Variants in FN1 observed in about 807,000 individuals in gnomAD.
FN1 encodes the protein fibronectin 1.
A neutral mutation model predicts 297.3 loss-of-function variants in FN1; 106 were observed. That is an observed-to-expected ratio of 0.36 (90% confidence interval 0.30 to 0.42). The LOEUF is 0.42. Among genes scored for constraint, FN1 ranks in the 10% least tolerant of loss-of-function variants. The pLI is 1.00. For synonymous variants in FN1, 1,149 were observed against 1,152.6 expected (o/e 1.00, Z 0.06); for missense variants, 2,690 against 3,124.9 (o/e 0.86, Z 3.32).
Position 215,384,707 on chromosome 2 carries a change from T to C in FN1, c.4729+153A>G, listed in dbSNP as rs145750588. The C allele has an allele frequency of 4.7e-6, 3 of 644,366 alleles. No homozygotes were observed. The African/African-American group carries it at 5.5e-5, about 12-fold the overall frequency. The allele number at this position is 644,366 out of a possible 1,614,324, so 39.9% of individuals were successfully genotyped here. A position where few individuals can be genotyped will look rare whatever the true frequency, so the allele number is the denominator to read the frequency against. ...TTGGGTTTTAGAACAAATTATATCA[T>C]CTATATCTTACGTATTTTCTTGGAA... On this transcript the variant is annotated intron_variant, in intron 29 of 45. Transcript: ENST00000354785.
rs2059931958 is a variant in FN1 at position 215,393,323 on chromosome 2, A to C, written c.3797-120T>G. 4 of 888,670 alleles carry C rather than the reference A, an allele frequency of 4.5e-6. No homozygotes were observed. In the Admixed American group the frequency reaches 1.0e-4, roughly 23 times the overall value. 55.0% of individuals were successfully genotyped at this position (888,670 alleles called of 1,614,324 possible). A position where few individuals can be genotyped will look rare whatever the true frequency, so the allele number is the denominator to read the frequency against. ...AGTAAAATTGGTGGAATGTTAAAGC[A>C]ATGATGGTAATATGCAATCTGTTTT... On this transcript the variant is annotated intron_variant, in intron 24 of 45. Coordinates refer to ENST00000354785, the MANE Select transcript of FN1 (RefSeq NM_212482.4).
intron 3 of FN1, among the ~76,000 whole-genome samples, chr2:215,433,022 CATGTCTTACTGAA>C (rs1455443771): frequency 6.6e-6 from 1 of 152,158 alleles, no homozygotes; most frequent in African/African-American, 2.4e-5. Context: ...CTCCCCTAAG[CATGTCTTACTGAA>C]ATGGAACCCA....
At position 215,435,709 on chromosome 2, in the gene FN1, G is replaced by C; in HGVS notation, c.94C>G (p.Gln32Glu). The C allele has an allele frequency of 6.2e-7, 1 of 1,612,638 alleles. No homozygotes were observed. Among genetic ancestry groups the C allele is most frequent in the Non-Finnish European group, 8.5e-7 (1 of 1,179,708 alleles). The change falls in exon 1 of 46, where the codon CAG becomes GAG. Residue 32 changes from glutamine to glutamate, a missense_variant. Around this residue, in one of 3 missense-constraint regions of FN1, gnomAD observed 876 missense variants for 1,058.1 expected, o/e 0.83. Transcript: ENST00000354785. ...PSTGASKSKR[Q>E]AQQMVQPQSP... Reference sequence around the variant, plus strand: ...TGGGGCTGAACCATTTGCTGAGCCTGCCTCTTGCTCTTCGAGGCTCCCGTG... The same window carrying C: ...TGGGGCTGAACCATTTGCTGAGCCTCCCTCTTGCTCTTCGAGGCTCCCGTG...
chr2:215,384,272 C>G (rs2058614322), intron 29 of FN1, 88 bp from the exon 30 acceptor site: 1 of 1,264,756 alleles, frequency 7.9e-7, no homozygotes, highest in Non-Finnish European at 1.2e-6. Flanking sequence ...TTTATAGCAG[C>G]ATGTAAATCA....
In FN1 at chr2:215,419,215, TC is replaced by T. The variant is rs1269925073; in HGVS notation, c.1819+26del. ...GTTGTTATAACCCAATTGGCAGTTCTCAACTTGCAGTAATAGAGCTACTTAC... is the reference window on the plus strand; with the variant it reads ...GTTGTTATAACCCAATTGGCAGTTCTAACTTGCAGTAATAGAGCTACTTAC... On this transcript the variant is annotated intron_variant, in intron 12 of 45. Coordinates refer to ENST00000354785, the MANE Select transcript of FN1 (RefSeq NM_212482.4). 2.5e-6 allele frequency: 4 copies of T among 1,611,620 alleles called. No homozygotes were observed. The African/African-American group carries it at 5.3e-5, about 22-fold the overall frequency.
chr2:215,366,903 T>C (rs777302779), intron 42 of FN1, among the ~76,000 whole-genome samples: 4 of 152,234 alleles, frequency 2.6e-5, no homozygotes, highest in Admixed American at 6.5e-5. Context: ...CTAAACAGCA[T>C]GTGATGTTTT....
At chr2:215,373,666 G>A (rs2056685401) in intron 38 of FN1, among the ~76,000 whole-genome samples, 1 of 135,376 alleles carries the variant, frequency 7.4e-6, no homozygotes, top group South Asian at 2.5e-4. Context: ...CTTTTCCAGG[G>A]TATTCTTTTT....
chr2:215,387,031 T>C, intron 27 of FN1, 73 bp from the exon 28 acceptor site: 3 of 1,392,376 alleles, frequency 2.2e-6, no homozygotes, highest in African/African-American at 1.5e-5. Flanking sequence ...GTGAGGAAGG[T>C]GTAGGGGAAA....
chr2:215,389,529 T>G (rs908910274), intron 26 of FN1, among the ~76,000 whole-genome samples: 2 of 152,168 alleles, frequency 1.3e-5, no homozygotes, highest in Admixed American at 6.5e-5. Context: ...TAGATGGGCT[T>G]GTAATCCCAG....
rs1462168535 is a variant in FN1, at chr2:215,425,187, C to A, written c.943G>T (p.Val315Phe). 2.5e-6 allele frequency: 4 copies of A among 1,614,156 alleles called. No individual in the cohort carries two copies. The highest frequency in any genetic ancestry group is 3.4e-6 in the Non-Finnish European group (4 of 1,180,014). Residue 315 changes from valine (V) to phenylalanine (F), a missense_variant, in exon 7 of 46, where the codon GTC becomes TTC. By Grantham distance (50) the Val-to-Phe change is conservative. Coordinates refer to ENST00000354785, the MANE Select transcript of FN1 (RefSeq NM_212482.4). The stretch of plus-strand genomic sequence containing the variant: ...AGCCACTGCATCCCCACAGAGTAGA[C>A]CACACCACTGTCTGTGACACAGTGG... The part of the protein sequence containing the change: ...YGHCVTDSGV[V>F]YSVGMQWLKT...
At chr2:215,414,659 C>T (rs1162339964) in intron 13 of FN1, 178 bp downstream of exon 13, 3 of 1,349,254 alleles carry the variant, frequency 2.2e-6, no homozygotes, top group Admixed American at 3.3e-5. Context: ...ACCAAAATCC[C>T]CTCAGTCTAC....
chr2:215,362,060 C>A lies in FN1; in HGVS notation c.7271G>T (p.Cys2424Phe). 6.2e-7 allele frequency: 1 copy of A among 1,614,034 alleles called. No homozygotes were observed. The highest frequency in any genetic ancestry group is 8.5e-7 in the Non-Finnish European group (1 of 1,179,964). The change falls in exon 45 of 46, where the codon TGC (cysteine) becomes TTC (phenylalanine). Residue 2424 changes from cysteine (C) to phenylalanine (F), a missense_variant. By Grantham distance (205) the Cys-to-Phe change is radical. This residue lies in a region of FN1 where 1,743 missense variants were observed against 1,945.2 expected (regional missense o/e 0.90). Coordinates refer to ENST00000354785, the MANE Select transcript of FN1 (RefSeq NM_212482.4). ...ACTGGGTTCACCCCCAGGTCTGCGG[C>A]AGTTGTCACAGCGCCAGCCCTGAGA... ...GGQRGWRCDNCRRPGGEPSPE... is the reference protein window; with the variant it reads ...GGQRGWRCDNFRRPGGEPSPE...
chr2:215,372,036 A>C lies in FN1; in HGVS notation c.6587T>G (p.Leu2196Arg), dbSNP rs748432077. 10 of 1,614,228 alleles carry C rather than the reference A, an allele frequency of 6.2e-6. No individual in the cohort carries two copies. Among genetic ancestry groups the C allele is most frequent in the Non-Finnish European group, 4.2e-6 (5 of 1,180,036 alleles). ...DYHLYPHGPG[L>R]NPNASTGQEA... Reference sequence around the variant, plus strand: ...TTGTCCTGTAGAGGCATTTGGATTGAGTCCCGGACCGTGTGGGTACAGGTG... The same window carrying C: ...TTGTCCTGTAGAGGCATTTGGATTGCGTCCCGGACCGTGTGGGTACAGGTG... Residue 2196 changes from leucine to arginine, a missense_variant, in exon 40 of 46, where the codon CTC becomes CGC. Coordinates refer to ENST00000354785, the MANE Select transcript of FN1 (RefSeq NM_212482.4).
intron 2 of FN1, among the ~76,000 whole-genome samples, chr2:215,434,152 C>T (rs1398407785): frequency 1.3e-5 from 2 of 152,124 alleles, no homozygotes; most frequent in Non-Finnish European, 2.9e-5. Context: ...CCCCACCTCC[C>T]ACAAGGCCTT....
intron 28 of FN1, 29 bp downstream of exon 28, chr2:215,386,660 T>C: frequency 6.2e-7 from 1 of 1,605,090 alleles, no homozygotes. Context: ...GAAAGTCTTC[T>C]GAGTTTCTTT....
At chr2:215,388,040 G>A (rs1416047332) in intron 27 of FN1, among the ~76,000 whole-genome samples, 172 bp downstream of exon 27, 1 of 152,222 alleles carries the variant, frequency 6.6e-6, no homozygotes, top group Non-Finnish European at 1.5e-5. Context: ...TGATTGTTGA[G>A]TAAGGTATCT....
intron 3 of FN1, among the ~76,000 whole-genome samples, chr2:215,432,969 A>G (rs1232584866): frequency 6.6e-6 from 1 of 152,118 alleles, no homozygotes; most frequent in East Asian, 1.9e-4. Context: ...AAGTCTCATG[A>G]TTTGTCTAGC....
rs2058697198 is a variant in FN1 at position 215,384,851 on chromosome 2, C to G, written c.4729+9G>C. 1 of 1,527,880 alleles carries G rather than the reference C, an allele frequency of 6.5e-7. No individual in the cohort carries two copies. Among genetic ancestry groups the G allele is most frequent in the Non-Finnish European group, 9.1e-7 (1 of 1,101,216 alleles). 94.6% of individuals were successfully genotyped at this position (1,527,880 alleles called of 1,614,324 possible). A position where few individuals can be genotyped will look rare whatever the true frequency, so the allele number is the denominator to read the frequency against. On this transcript the variant is annotated intron_variant, in intron 29 of 45. Transcript: ENST00000354785. ...AATCAGAGTGTAAAATAGCATTTTA[C>G]TGCTGTACCTGTCTCTCCGTAAGTG...
chr2:215,420,138 G>C (rs2064025348), intron 11 of FN1, among the ~76,000 whole-genome samples: 1 of 152,122 alleles, frequency 6.6e-6, no homozygotes, highest in Non-Finnish European at 1.5e-5. Flanking sequence ...AAGTGAGTTT[G>C]AGACCAGCCT....
Sources: gnomAD v4.1 joint callset for allele counts (sites outside exome capture counted in the v4.1 genomes callset) on GRCh38, gnomAD v4.1.1 for gene constraint, gnomAD v4.1.1 regional missense constraint, MANE v1.5 for transcripts, NCBI Gene and HGNC (gene_info 2026-07-23, HGNC 2026-07-21) for gene names.